Variants in PAN2 observed in about 807,000 individuals in gnomAD.
PAN2 encodes the protein PAN2-PAN3 deadenylation complex catalytic subunit PAN2.
In PAN2, 68 loss-of-function variants were observed where a neutral mutation model predicts 133.3. That is an observed-to-expected ratio of 0.51 (90% CI 0.42 to 0.62). The LOEUF (loss-of-function observed/expected upper bound fraction) is 0.62. PAN2 is among the 20% of genes least tolerant of loss of function. The probability of loss-of-function intolerance (pLI) is 0.00; values close to 1 mark genes in which losing one functional copy is unlikely to be tolerated. For synonymous variants in PAN2, 462 were observed against 544.6 expected, an observed-to-expected ratio of 0.85 and a Z score of 2.11; for missense variants, 1,042 against 1,500.5, an observed-to-expected ratio of 0.69 and a Z score of 5.05.
chr12:56,323,020 T>A (rs766518646), intron 17 of PAN2, 42 bp downstream of exon 17: 86 of 1,611,298 alleles, frequency 5.3e-5, no homozygotes, highest in Non-Finnish European at 6.8e-5. Flanking sequence ...TGCCCCACCT[T>A]CTCTCCCTTA....
At chr12:56,320,913 A>C (rs570297566) in intron 20 of PAN2, among the ~76,000 whole-genome samples, 1 of 151,118 alleles carries the variant, frequency 6.6e-6, no homozygotes, top group African/African-American at 2.4e-5. Flanking sequence ...AAATACAAAA[A>C]ATTAGCCGGA....
At chr12:56,320,375 T>C (rs971249771) in intron 20 of PAN2, among the ~76,000 whole-genome samples, 1 of 152,172 alleles carries the variant, frequency 6.6e-6, no homozygotes, top group Non-Finnish European at 1.5e-5. Flanking sequence ...CGGTGGCTAA[T>C]GCCTGTAATC....
intron 17 of PAN2, 107 bp downstream of exon 17, chr12:56,322,955 T>G: frequency 3.6e-6 from 5 of 1,394,324 alleles, no homozygotes; most frequent in Non-Finnish European, 5.0e-6. Context: ...CTAGGCCTTA[T>G]TCTCTTCCTT....
chr12:56,319,577 T>C lies in PAN2; in HGVS notation c.3090+44A>G, dbSNP rs764028572. 1.3e-5 allele frequency: 20 copies of C among 1,590,062 alleles called. No individual in the cohort carries two copies. Among genetic ancestry groups the C allele is most frequent in the Non-Finnish European group, 1.5e-5 (17 of 1,168,174 alleles). On this transcript the variant is annotated intron_variant, in intron 22 of 25. Transcript: ENST00000440411. The surrounding 1 kb of genome is among the most constrained non-coding windows in gnomAD (Gnocchi z 5.4). ...TCCCTGGGTTCTTGAGCACTGTAAG[T>C]AAGCACCAGGGTGTGCCTCACTTGC...
At chr12:56,327,283 T>C in intron 6 of PAN2, 81 bp downstream of exon 6, 1 of 1,469,626 alleles carries the variant, frequency 6.8e-7, no homozygotes, top group South Asian at 1.2e-5. Flanking sequence ...AACAAAGAGG[T>C]TTCAGGATGA....
At chr12:56,328,137 A>T (rs1875330589) in intron 4 of PAN2, 65 bp from the exon 5 acceptor site, 2 of 1,608,788 alleles carry the variant, frequency 1.2e-6, no homozygotes, top group African/African-American at 1.3e-5. Context: ...AGGGAACAGA[A>T]AGGTCACACC....
chr12:56,332,771 C>T, intron 2 of PAN2, 42 bp downstream of exon 2: 2 of 1,595,178 alleles, frequency 1.3e-6, no homozygotes, highest in Non-Finnish European at 8.6e-7. Context: ...AGATAAAGAC[C>T]TTCAACATCT....
intron 20 of PAN2, among the ~76,000 whole-genome samples, chr12:56,320,456 G>A (rs954318229): frequency 1.1e-4 from 17 of 152,002 alleles, no homozygotes; most frequent in African/African-American, 3.9e-4. Context: ...TGCCCAACAT[G>A]GTGAAACCCC....
Position 56,332,944 on chromosome 12 carries a change from C to T in PAN2, c.151G>A (p.Val51Ile), listed in dbSNP as rs774312153. ...PEGVALEALP[V>I]QESVHIMEGV... ...TCCATTATGTGCACTGATTCCTGGA[C>T]GGGAAGAGCCTCCAAGGCCACTCCC... The change falls in exon 2 of 26, where the codon GTC becomes ATC. Residue 51 changes from valine to isoleucine, a missense_variant. By Grantham distance (29) the Val-to-Ile change is conservative. This residue lies in a region of PAN2 where 908 missense variants were observed against 1,223.5 expected (regional missense o/e 0.74). Transcript: ENST00000440411. 10 of 1,614,064 alleles carry T rather than the reference C, an allele frequency of 6.2e-6. No homozygotes were observed. The highest frequency in any genetic ancestry group is 1.6e-4 in the Middle Eastern group (1 of 6,084).
chr12:56,318,490 G>A, intron 24 of PAN2, 56 bp from the exon 25 acceptor site: 1 of 1,353,430 alleles, frequency 7.4e-7, no homozygotes, highest in South Asian at 1.2e-5. Flanking sequence ...GTAGGAACAT[G>A]TCTCCCCACT....
chr12:56,333,797 T>G (rs1876183391), intron 1 of PAN2, 65 bp downstream of exon 1: 1 of 151,704 alleles, frequency 6.6e-6, no homozygotes, highest in Non-Finnish European at 1.5e-5. Context: ...ACGGCAGCGG[T>G]GAGGAGGGGG....
At chr12:56,320,745 C>CTTTTT (rs764563787) in intron 20 of PAN2, among the ~76,000 whole-genome samples, 3 of 115,178 alleles carry the variant, frequency 2.6e-5, no homozygotes, top group African/African-American at 7.2e-5. Flanking sequence ...CTTACAGCTG[C>CTTTTT]TTTTTTTTTT....
chr12:56,327,009 A>G lies in PAN2; in HGVS notation c.920-50T>C, dbSNP rs777312693. Reference sequence around the variant, plus strand: ...GAGCCCTAGAAAGTGAAAGGGAGCCATATTCTTATGCCCTTCCTATCCTCT... The same window carrying G: ...GAGCCCTAGAAAGTGAAAGGGAGCCGTATTCTTATGCCCTTCCTATCCTCT... On this transcript the variant is annotated intron_variant, in intron 6 of 25. Coordinates refer to ENST00000440411, the MANE Select transcript of PAN2 (RefSeq NM_014871.6). 12 of 1,446,730 alleles carry G rather than the reference A, an allele frequency of 8.3e-6. No individual in the cohort carries two copies. The Admixed American group carries it at 2.1e-4, about 26-fold the overall frequency. 89.6% of individuals were successfully genotyped at this position (1,446,730 alleles called of 1,614,324 possible). A position where few individuals can be genotyped will look rare whatever the true frequency, so the allele number is the denominator to read the frequency against.
chr12:56,322,246 C>T, intron 19 of PAN2, 78 bp from the exon 20 acceptor site: 1 of 1,104,300 alleles, frequency 9.1e-7, no homozygotes, highest in East Asian at 2.4e-5. Context: ...GAGGCCAGGA[C>T]TCAGGTGCTA....
In PAN2 at chr12:56,327,583, C is replaced by A. The variant is rs753468064; in HGVS notation, c.700G>T (p.Ala234Ser). The A allele has an allele frequency of 1.3e-4, 207 of 1,613,966 alleles. No homozygotes were observed. The highest frequency in any genetic ancestry group is 1.6e-4 in the Non-Finnish European group (191 of 1,179,990). ...RTFKVEHEFD[A>S]FSGSLSDFDV... ...AAGTCTGACAGACTTCCTGAGAAGG[C>A]ATCAAACTCATGTTCCACCTTAAAA... The change falls in exon 6 of 26, where the codon GCC becomes TCC. Residue 234 changes from alanine to serine, a missense_variant. Ala to Ser is a moderately conservative substitution (Grantham distance 99). Coordinates refer to ENST00000440411, the MANE Select transcript of PAN2 (RefSeq NM_014871.6).
At position 56,332,864 on chromosome 12, in the gene PAN2, G is replaced by A. The variant is rs778289311; in HGVS notation, c.231C>T (p.Ser77=). Residue 77 remains serine (S), a synonymous_variant, in exon 2 of 26, where the codon TCC becomes TCT. Coordinates refer to ENST00000440411, the MANE Select transcript of PAN2 (RefSeq NM_014871.6). Reference sequence around the variant, plus strand: ...CCTCGTGCAAGTCAAAGTGGGAGACGGAAACAGGTACACCCACTTCAGCCA... The same window carrying A: ...CCTCGTGCAAGTCAAAGTGGGAGACAGAAACAGGTACACCCACTTCAGCCA... The part of the protein sequence containing the change: ...SVVAEVGVPV[S]VSHFDLHEEM... 1.6e-5 allele frequency: 26 copies of A among 1,614,030 alleles called. No homozygotes were observed. Among genetic ancestry groups the A allele is most frequent in the Middle Eastern group, 1.6e-4 (1 of 6,084 alleles).
Position 56,322,108 on chromosome 12 carries a change from G to A in PAN2, c.2758C>T (p.Arg920Trp), listed in dbSNP as rs1023848217. The change falls in exon 20 of 26, where the codon CGG becomes TGG. Residue 920 changes from arginine to tryptophan, a missense_variant. Physicochemically the swap from Arg to Trp is moderately radical, Grantham distance 101. Transcript: ENST00000440411. ...AGGTTGTATCTGGAATTGAGATTCC[G>A]TTTGACATAATAAAGGATTGCAGGT... ...KVPAILYYVK[R>W]NLNSRYNLNI... The A allele has an allele frequency of 1.1e-5, 17 of 1,607,048 alleles. No individual in the cohort carries two copies. Among genetic ancestry groups the A allele is most frequent in the South Asian group, 6.6e-5 (6 of 90,924 alleles).
intron 14 of PAN2, 85 bp from the exon 15 acceptor site, chr12:56,323,683 T>A (rs1038741463): frequency 1.4e-6 from 2 of 1,409,996 alleles, no homozygotes. Context: ...GTCTTCAAAC[T>A]GGGATTCCTC....
intron 2 of PAN2, 148 bp from the exon 3 acceptor site, chr12:56,328,789 C>G: frequency 1.6e-6 from 1 of 609,190 alleles, no homozygotes; most frequent in East Asian, 2.8e-5. Context: ...GGCTAGGAAC[C>G]AGTCAATCTT....
Sources: gnomAD v4.1 joint callset for allele counts (sites outside exome capture counted in the v4.1 genomes callset) on GRCh38, gnomAD v4.1.1 for gene constraint, gnomAD v4.1.1 regional missense constraint, Gnocchi (gnomAD v3.1) non-coding constraint, MANE v1.5 for transcripts, NCBI Gene and HGNC (gene_info 2026-07-23, HGNC 2026-07-21) for gene names.